TAF4B: variants seen among roughly 807,000 people sequenced by gnomAD.
TAF4B encodes the protein TATA-box binding protein associated factor 4b.
Under a neutral mutation model 86.4 loss-of-function variants are expected in TAF4B, and 38 were observed. That is an observed-to-expected ratio of 0.44 (90% CI 0.34 to 0.58). The LOEUF is 0.58. TAF4B is among the 20% of genes least tolerant of loss of function. The pLI, the probability that TAF4B is intolerant of heterozygous loss-of-function variation, is 0.02. For missense variants in TAF4B, 988 were observed against 1,027.6 expected (o/e 0.96, Z 0.53); for synonymous variants, 388 against 391.2 (o/e 0.99, Z 0.10).
intron 3 of TAF4B, among the ~76,000 whole-genome samples, chr18:26,268,689 A>T (rs180865868): frequency 1.3e-5 from 2 of 152,266 alleles, no homozygotes; most frequent in Admixed American, 6.5e-5. Context: ...TAGCAACCCT[A>T]CCTCCTCCAG....
intron 1 of TAF4B, among the ~76,000 whole-genome samples, chr18:26,241,450 T>G (rs543132793): frequency 2.0e-5 from 3 of 152,378 alleles, no homozygotes; most frequent in African/African-American, 7.2e-5. Context: ...TCATTTTTTA[T>G]TGCATCTATT....
chr18:26,267,668 T>A (rs772349574), intron 3 of TAF4B, 45 bp downstream of exon 3: 8 of 1,387,418 alleles, frequency 5.8e-6, no homozygotes, highest in Non-Finnish European at 7.2e-6. Flanking sequence ...CTCTTAACTT[T>A]TAAAAAAATC....
At chr18:26,264,133 G>A (rs2056206608) in intron 1 of TAF4B, among the ~76,000 whole-genome samples, 2 of 152,078 alleles carry the variant, frequency 1.3e-5, no homozygotes, top group Admixed American at 1.3e-4. Context: ...GATAAAGAGT[G>A]GGTTGATTAA....
At chr18:26,379,700 G>T (rs1187139768) in intron 14 of TAF4B, among the ~76,000 whole-genome samples, 1 of 151,916 alleles carries the variant, frequency 6.6e-6, no homozygotes, top group Non-Finnish European at 1.5e-5. Context: ...TGAATTTTTA[G>T]AATCATCTTG....
At chr18:26,232,225 C>A (rs12963292) in intron 1 of TAF4B, among the ~76,000 whole-genome samples, 2 of 152,202 alleles carry the variant, frequency 1.3e-5, no homozygotes, top group South Asian at 2.1e-4. Flanking sequence ...AATCTCCCCC[C>A]ACCCCCGTCT....
chr18:26,260,452 T>G (rs1383051594), intron 1 of TAF4B, among the ~76,000 whole-genome samples: 1 of 152,188 alleles, frequency 6.6e-6, no homozygotes, highest in Non-Finnish European at 1.5e-5. Context: ...TTAAATTAAG[T>G]TTTGTATAAG....
At chr18:26,259,500 T>C (rs1000239282) in intron 1 of TAF4B, among the ~76,000 whole-genome samples, 6 of 151,962 alleles carry the variant, frequency 3.9e-5, no homozygotes, top group Non-Finnish European at 8.8e-5. Flanking sequence ...GTTCTCATTG[T>C]TCAATTCCCA....
chr18:26,356,585 G>C (rs945004305), intron 13 of TAF4B, among the ~76,000 whole-genome samples: 1 of 152,068 alleles, frequency 6.6e-6, no homozygotes, highest in East Asian at 1.9e-4. Context: ...TACATGTATA[G>C]GGTTTCTCAA....
chr18:26,380,388 C>G (rs2057470262), intron 14 of TAF4B, among the ~76,000 whole-genome samples: 1 of 152,190 alleles, frequency 6.6e-6, no homozygotes, highest in Admixed American at 6.5e-5. Flanking sequence ...TAACTTCCAT[C>G]CTGGTATCTT....
chr18:26,306,596 A>G (rs1392055790), intron 9 of TAF4B, among the ~76,000 whole-genome samples: 1 of 152,166 alleles, frequency 6.6e-6, no homozygotes, highest in African/African-American at 2.4e-5. Flanking sequence ...GAAAAGGAGT[A>G]TTTATAATCT....
chr18:26,229,955 TA>T (rs77834289), intron 1 of TAF4B, among the ~76,000 whole-genome samples: 14,478 of 148,950 alleles, frequency 0.097, 1,857 homozygotes, highest in African/African-American at 0.3. Flanking sequence ...AGAACTGGTT[TA>T]AAAAAAAAAT....
chr18:26,326,499 A>G (rs1371912832), intron 11 of TAF4B, among the ~76,000 whole-genome samples: 1 of 152,236 alleles, frequency 6.6e-6, no homozygotes, highest in Non-Finnish European at 1.5e-5. Context: ...TAGAAGTTAT[A>G]TTCAGTTGTC....
chr18:26,232,363 A>G (rs949978237), intron 1 of TAF4B, among the ~76,000 whole-genome samples: 6 of 152,188 alleles, frequency 3.9e-5, no homozygotes, highest in Non-Finnish European at 7.3e-5. Flanking sequence ...TAGGCCAGTC[A>G]AAGGGCCAGT....
chr18:26,302,153 T>A (rs2056740530), intron 9 of TAF4B, among the ~76,000 whole-genome samples: 1 of 152,190 alleles, frequency 6.6e-6, no homozygotes, highest in African/African-American at 2.4e-5. Flanking sequence ...TAATTCTTTA[T>A]ACTTTTTTTG....
At chr18:26,378,503 C>T (rs1244223398) in intron 14 of TAF4B, among the ~76,000 whole-genome samples, 1 of 152,022 alleles carries the variant, frequency 6.6e-6, no homozygotes, top group Non-Finnish European at 1.5e-5. Flanking sequence ...AAAGAGTAAC[C>T]ATGTTCCTTT....
At chr18:26,241,036 T>C (rs534217921) in intron 1 of TAF4B, among the ~76,000 whole-genome samples, 5 of 152,222 alleles carry the variant, frequency 3.3e-5, no homozygotes, top group Non-Finnish European at 7.3e-5. Flanking sequence ...GGTATTGGTC[T>C]AAAATTCTCT....
At chr18:26,365,490 G>A (rs1236701472) in intron 14 of TAF4B, among the ~76,000 whole-genome samples, 1 of 152,176 alleles carries the variant, frequency 6.6e-6, no homozygotes, top group South Asian at 2.1e-4. Flanking sequence ...TTGGAGAGGA[G>A]GGATGGTACT....
intron 13 of TAF4B, among the ~76,000 whole-genome samples, chr18:26,346,907 G>GTGTATATATATATA (rs1171773933): frequency 8.9e-5 from 1 of 11,220 alleles, no homozygotes; most frequent in South Asian, 4.6e-3. Context: ...ATATGTGTGT[G>GTGTATATATATATA]TATATATATA....
intron 2 of TAF4B, among the ~76,000 whole-genome samples, 196 bp downstream of exon 2, chr18:26,265,511 T>C (rs1167262682): frequency 1.3e-5 from 2 of 152,160 alleles, no homozygotes; most frequent in Admixed American, 1.3e-4. Context: ...AAATAGTAAA[T>C]TCAGTCTTCA....
Sources: gnomAD v4.1 joint callset for allele counts (sites outside exome capture counted in the v4.1 genomes callset) on GRCh38, gnomAD v4.1.1 for gene constraint, MANE v1.5 for transcripts, NCBI Gene and HGNC (gene_info 2026-07-23, HGNC 2026-07-21) for gene names.